SGCD: variants seen among roughly 807,000 people sequenced by gnomAD.
SGCD encodes the protein delta-sarcoglycan.
Under a neutral mutation model 36.6 loss-of-function variants are expected in SGCD, and 18 were observed. The ratio of observed to expected loss-of-function variants is 0.49; its 90% CI spans 0.34 to 0.73. The LOEUF is 0.73. Among genes scored for constraint, SGCD ranks in the 30% least tolerant of loss-of-function variants. The pLI, the probability that SGCD is intolerant of heterozygous loss-of-function variation, is 0.01. For missense variants in SGCD, 387 were observed against 346.7 expected (o/e 1.12, Z -0.92); for synonymous variants, 133 against 130.6 (o/e 1.02, Z -0.12).
intron 3 of SGCD, among the ~76,000 whole-genome samples, chr5:156,216,034 T>A (rs1581173396): frequency 6.6e-6 from 1 of 152,174 alleles, no homozygotes; most frequent in East Asian, 1.9e-4. Context: ...TATAACAATG[T>A]GGATGAACCT....
the SGCD span, among the ~76,000 whole-genome samples, chr5:155,741,281 A>G: frequency 6.6e-6 from 1 of 152,216 alleles, no homozygotes; most frequent in African/African-American, 2.4e-5. Context: ...GTCTTTCATC[A>G]GACCCTAAAA....
At position 155,975,779 on chromosome 5, in the gene SGCD, G is replaced by A. The variant is rs191728893; in HGVS notation, c.-282+105355G>A. Among the ~76,000 whole-genome samples the A allele has an allele frequency of 2.2e-3, 338 of 151,248 alleles. 3 individuals carry two copies. Among genetic ancestry groups the A allele is most frequent in the African/African-American group, 7.9e-3 (325 of 41,224 alleles). ...TGAGTAGCTTGGATTACAGGCACCT[G>A]CTACCATGGCTGGCTAATTTTTTTA... On this transcript the variant is annotated intron_variant, in intron 1 of 9. Coordinates refer to the SGCD transcript ENST00000517913.
At chr5:156,212,716 G>C (rs1000186402) in intron 3 of SGCD, among the ~76,000 whole-genome samples, 2 of 152,028 alleles carry the variant, frequency 1.3e-5, no homozygotes, top group Non-Finnish European at 2.9e-5. Flanking sequence ...TCAAGTATAC[G>C]TGGAACATTT....
intron 3 of SGCD, among the ~76,000 whole-genome samples, chr5:156,362,201 A>T (rs931322805): frequency 1.3e-5 from 2 of 152,226 alleles, no homozygotes; most frequent in Non-Finnish European, 2.9e-5. Flanking sequence ...TATGTCATTC[A>T]TGAGAGGCCA....
At chr5:156,086,498 C>T (rs1761094658) in intron 1 of SGCD, among the ~76,000 whole-genome samples, 1 of 152,282 alleles carries the variant, frequency 6.6e-6, no homozygotes, top group Non-Finnish European at 1.5e-5. Context: ...CTTAAGGGCA[C>T]TCAGGAGTGG....
At chr5:156,425,147 C>T (rs895020730) in intron 3 of SGCD, among the ~76,000 whole-genome samples, 6 of 152,026 alleles carry the variant, frequency 3.9e-5, no homozygotes, top group Non-Finnish European at 7.4e-5. Context: ...AGGCCCAATA[C>T]GTTAACTCTT....
chr5:155,956,712 C>T (rs957478162), intron 1 of SGCD, among the ~76,000 whole-genome samples: 4 of 152,074 alleles, frequency 2.6e-5, no homozygotes, highest in Admixed American at 1.3e-4. Context: ...TTCAACATCA[C>T]TGCAGCCTCT....
At chr5:155,949,727 C>T (rs767426699) in intron 1 of SGCD, among the ~76,000 whole-genome samples, 21 of 152,132 alleles carry the variant, frequency 1.4e-4, no homozygotes, top group Non-Finnish European at 2.2e-4. Flanking sequence ...TTCGTATTGT[C>T]TATGGCTGAT....
intron 1 of SGCD, among the ~76,000 whole-genome samples, chr5:156,025,152 G>C (rs977866918): frequency 1.3e-5 from 2 of 152,092 alleles, no homozygotes; most frequent in African/African-American, 4.8e-5. Context: ...GTTTCCGTGT[G>C]GTGATTTAGT....
chr5:156,149,320 A>G (rs1396256913), intron 3 of SGCD, among the ~76,000 whole-genome samples: 1 of 152,206 alleles, frequency 6.6e-6, no homozygotes, highest in Admixed American at 6.5e-5. Flanking sequence ...GACTATAGTC[A>G]CCCTATTGTG....
At chr5:156,073,930 G>A (rs1760679517) in intron 1 of SGCD, among the ~76,000 whole-genome samples, 1 of 152,144 alleles carries the variant, frequency 6.6e-6, no homozygotes, top group Non-Finnish European at 1.5e-5. Context: ...CAAAGCACTG[G>A]GGTGGAGAGG....
At chr5:156,437,736 G>C (rs1006244529) in intron 3 of SGCD, among the ~76,000 whole-genome samples, 1 of 152,158 alleles carries the variant, frequency 6.6e-6, no homozygotes, top group Non-Finnish European at 1.5e-5. Flanking sequence ...CAGCCAACAG[G>C]GGAGATGGCA....
chr5:155,962,821 T>C (rs1402762054), intron 1 of SGCD, among the ~76,000 whole-genome samples: 1 of 152,102 alleles, frequency 6.6e-6, no homozygotes, highest in Non-Finnish European at 1.5e-5. Flanking sequence ...AGACACTGAT[T>C]CCCGATAAAA....
chr5:155,775,699 T>G, the SGCD span, among the ~76,000 whole-genome samples: 1 of 152,144 alleles, frequency 6.6e-6, no homozygotes, highest in Non-Finnish European at 1.5e-5. Context: ...TGTCCATTTA[T>G]TCACTCATTC....
At chr5:155,933,847 T>C (rs1294460474) in intron 1 of SGCD, among the ~76,000 whole-genome samples, 1 of 152,238 alleles carries the variant, frequency 6.6e-6, no homozygotes, top group Non-Finnish European at 1.5e-5. Context: ...ATCCCTAGGT[T>C]ATCTTCAGAG....
chr5:156,233,245 A>G (rs957957482), intron 3 of SGCD, among the ~76,000 whole-genome samples: 28 of 152,258 alleles, frequency 1.8e-4, no homozygotes, highest in African/African-American at 6.8e-4. Context: ...TTATCCAGAG[A>G]AAGGCAATTA....
chr5:155,779,883 T>C, the SGCD span, among the ~76,000 whole-genome samples: 1 of 152,196 alleles, frequency 6.6e-6, no homozygotes, highest in South Asian at 2.1e-4. Flanking sequence ...TTTAAATTTG[T>C]ATTTTTTTAT....
At chr5:155,939,963 A>C (rs79710468) in intron 1 of SGCD, among the ~76,000 whole-genome samples, 5,139 of 151,662 alleles carry the variant, frequency 0.034, 618 homozygotes, top group Admixed American at 0.23. Flanking sequence ...CCTCCTAAGT[A>C]GCTGGGATTA....
chr5:156,736,794 GATTATT>G (rs1323263996), intron 7 of SGCD, among the ~76,000 whole-genome samples: 30 of 152,138 alleles, frequency 2.0e-4, no homozygotes, highest in Admixed American at 2.0e-3. Flanking sequence ...ACTACATAGT[GATTATT>G]ATTATTGAAT....
Sources: gnomAD v4.1 joint callset for allele counts (sites outside exome capture counted in the v4.1 genomes callset) on GRCh38, gnomAD v4.1.1 for gene constraint, MANE v1.5 for transcripts, NCBI Gene and HGNC (gene_info 2026-07-23, HGNC 2026-07-21) for gene names.